Variants in CTNND2 observed in about 807,000 individuals in gnomAD.
CTNND2 encodes catenin delta-2.
A neutral mutation model predicts 144.4 loss-of-function variants in CTNND2; 22 were observed. The ratio of observed to expected loss-of-function variants is 0.15; its 90% CI spans 0.11 to 0.22. The LOEUF is 0.22. Among genes scored for constraint, CTNND2 ranks in the 10% least tolerant of loss-of-function variants. The pLI is 1.00. For synonymous variants in CTNND2, 751 were observed against 695.6 expected (o/e 1.08, Z -1.25); for missense variants, 1,353 against 1,618.8 (o/e 0.84, Z 2.82).
At chr5:11,281,453 C>T (rs78792527) in intron 9 of CTNND2, among the ~76,000 whole-genome samples, 6,231 of 152,254 alleles carry the variant, frequency 0.041, 192 homozygotes, top group African/African-American at 0.083. Flanking sequence ...CAGAATTCCA[C>T]GAAGCAATGG....
rs112211263 is a variant in CTNND2 at position 11,672,249 on chromosome 5, T to C, written c.174+59887A>G. Among the ~76,000 whole-genome samples, 645 of 152,270 alleles carry C rather than the reference T, an allele frequency of 4.2e-3. 6 individuals are homozygous for C. The highest frequency in any genetic ancestry group is 0.015 in the African/African-American group (614 of 41,556). ...ACTGGGAGGTGTCTCCCAGTCAGGA[T>C]ACACAAGGGTCAGGGACCCACTTGA... On this transcript the variant is annotated intron_variant, in intron 2 of 21. Transcript: ENST00000304623.
At chr5:11,532,074 G>A (rs1371944025) in intron 3 of CTNND2, among the ~76,000 whole-genome samples, 3 of 152,010 alleles carry the variant, frequency 2.0e-5, no homozygotes, top group Non-Finnish European at 2.9e-5. Context: ...TCCAGGAATG[G>A]CTCACATCTA....
At chr5:11,090,904 T>C (rs967027682) in intron 15 of CTNND2, among the ~76,000 whole-genome samples, 1 of 152,090 alleles carries the variant, frequency 6.6e-6, no homozygotes, top group African/African-American at 2.4e-5. Flanking sequence ...GTATGGAACA[T>C]GTCTTTTCTT....
Position 11,903,474 on chromosome 5 carries a change from A to C in CTNND2, c.37+343T>G, listed in dbSNP as rs1738073098. 2.8e-6 allele frequency: 2 copies of C among 720,690 alleles called. No individual in the cohort carries two copies. Among genetic ancestry groups the C allele is most frequent in the Non-Finnish European group, 3.6e-6 (2 of 552,574 alleles). The allele number at this position is 720,690 out of a possible 1,614,324, so 44.6% of individuals were successfully genotyped here. On this transcript the variant is annotated intron_variant, in intron 1 of 21. Transcript: ENST00000304623. This position sits in a 1 kb window ranked among gnomAD's most constrained non-coding sequence, Gnocchi z 5.4. ...CGTATATTAGGGACGTCATGAATGC[A>C]CCGAGTATGTTCTCAGGGTGGCGGG...
rs186354763 is a variant in CTNND2, at chr5:11,073,010, T to C, written c.2788+9686A>G. 1.5e-3 allele frequency among the ~76,000 whole-genome samples: 227 copies of C among 152,370 alleles called. 1 individual carries two copies. Among genetic ancestry groups the C allele is most frequent in the African/African-American group, 5.1e-3 (212 of 41,584 alleles). On this transcript the variant is annotated intron_variant, in intron 16 of 21. Coordinates refer to ENST00000304623, the MANE Select transcript of CTNND2 (RefSeq NM_001332.4). ...CTTTTAGCTGAAACCCAATTACAGC[T>C]GTCCTTGCCTGCTCCGTAATTTTTT... is the stretch of plus-strand genomic sequence containing the variant.
intron 9 of CTNND2, among the ~76,000 whole-genome samples, chr5:11,275,924 T>C (rs1746475446): frequency 6.6e-6 from 1 of 152,252 alleles, no homozygotes; most frequent in African/African-American, 2.4e-5. Flanking sequence ...CTGATTTTAA[T>C]TCCCAAGTCA....
intron 2 of CTNND2, among the ~76,000 whole-genome samples, chr5:11,679,910 C>T (rs527602756): frequency 3.4e-4 from 51 of 152,170 alleles, no homozygotes; most frequent in Non-Finnish European, 5.6e-4. Flanking sequence ...CACATTCCTT[C>T]GTTATTGTGG....
intron 1 of CTNND2, among the ~76,000 whole-genome samples, chr5:11,792,113 C>A (rs1935178633): frequency 6.6e-6 from 1 of 152,162 alleles, no homozygotes; most frequent in Non-Finnish European, 1.5e-5. Context: ...TTCTCTAGAC[C>A]ATGCGGTCTC....
chr5:11,561,755 T>C (rs1776700672), intron 3 of CTNND2, among the ~76,000 whole-genome samples: 1 of 152,086 alleles, frequency 6.6e-6, no homozygotes, highest in Non-Finnish European at 1.5e-5. Flanking sequence ...TGAAAAGAGA[T>C]CTTTGGCTGG....
intron 20 of CTNND2, chr5:10,986,792 C>T (rs1298146289): frequency 4.9e-6 from 2 of 408,944 alleles, no homozygotes; most frequent in Non-Finnish European, 9.7e-6. Flanking sequence ...CTTTACGCAG[C>T]TGAGCAGAGT....
intron 1 of CTNND2, among the ~76,000 whole-genome samples, chr5:11,798,259 CAAA>C (rs78238644): frequency 3.3e-5 from 2 of 60,440 alleles, no homozygotes. Flanking sequence ...GAGACTGTTT[CAAA>C]AAAAAAAAAA....
chr5:11,402,508 C>A (rs973171330), intron 5 of CTNND2, among the ~76,000 whole-genome samples: 3 of 152,230 alleles, frequency 2.0e-5, no homozygotes, highest in Admixed American at 2.0e-4. Flanking sequence ...TCATTTGTAG[C>A]AGCAGTTTCA....
chr5:11,246,284 G>C (rs1051628941), intron 9 of CTNND2, among the ~76,000 whole-genome samples: 6 of 152,206 alleles, frequency 3.9e-5, no homozygotes, highest in Admixed American at 3.9e-4. Flanking sequence ...TGGAACCTTA[G>C]AACGTGACCT....
At chr5:11,536,182 G>T (rs181483716) in intron 3 of CTNND2, among the ~76,000 whole-genome samples, 4 of 152,192 alleles carry the variant, frequency 2.6e-5, no homozygotes, top group African/African-American at 9.6e-5. Flanking sequence ...TCCCACTTCA[G>T]TCTCCCACGT....
At chr5:11,192,498 G>A (rs982660009) in intron 11 of CTNND2, among the ~76,000 whole-genome samples, 16 of 152,200 alleles carry the variant, frequency 1.1e-4, no homozygotes, top group Non-Finnish European at 2.1e-4. Context: ...AACATGGAGA[G>A]AATCCTGGAT....
intron 16 of CTNND2, among the ~76,000 whole-genome samples, chr5:11,036,378 T>TTGAAA (rs1744067062): frequency 6.6e-6 from 1 of 152,164 alleles, no homozygotes; most frequent in Admixed American, 6.5e-5. Context: ...ATAACTCTTT[T>TTGAAA]TGAAATTGCC....
chr5:11,403,571 A>T (rs1397655266), intron 5 of CTNND2, among the ~76,000 whole-genome samples: 4 of 152,198 alleles, frequency 2.6e-5, no homozygotes. Flanking sequence ...TGTACTTTTC[A>T]TCGTTCATTC....
At chr5:11,279,441 C>T (rs1746890148) in intron 9 of CTNND2, among the ~76,000 whole-genome samples, 1 of 152,068 alleles carries the variant, frequency 6.6e-6, no homozygotes, top group South Asian at 2.1e-4. Context: ...CCTCTGGTGC[C>T]CCATCATCTC....
chr5:11,507,771 C>T (rs955223973), intron 3 of CTNND2, among the ~76,000 whole-genome samples: 16 of 152,292 alleles, frequency 1.1e-4, no homozygotes, highest in East Asian at 5.8e-4. Flanking sequence ...GAAATACGGT[C>T]GTGTGCAGAT....
Sources: allele counts gnomAD v4.1 joint callset (sites outside exome capture counted in the v4.1 genomes callset), GRCh38; gene constraint gnomAD v4.1.1; non-coding constraint Gnocchi (gnomAD v3.1); transcripts MANE v1.5; gene names NCBI Gene and HGNC (gene_info 2026-07-23, HGNC 2026-07-21).